MGAT4C: variants seen among roughly 807,000 people sequenced by gnomAD.
The protein encoded by MGAT4C is MGAT4 family member C.
MGAT4C carries 19 observed loss-of-function variants against 40.1 expected under a neutral mutation model. That is an observed-to-expected ratio of 0.47 (90% CI 0.33 to 0.70). MGAT4C has a LOEUF of 0.70. Ranked by LOEUF, MGAT4C falls within the 30% of genes least tolerant of loss-of-function variation. The pLI is 0.02. For synonymous variants in MGAT4C, 181 were observed against 187.1 expected, an observed-to-expected ratio of 0.97 and a Z score of 0.27; for missense variants, 491 against 563.2, an observed-to-expected ratio of 0.87 and a Z score of 1.30.
chr12:86,280,522 A>G (rs925255569), intron 4 of MGAT4C, among the ~76,000 whole-genome samples: 1 of 152,064 alleles, frequency 6.6e-6, no homozygotes, highest in Non-Finnish European at 1.5e-5. Flanking sequence ...TAAAGCTTCA[A>G]TAACAGATTA....
intron 1 of MGAT4C, among the ~76,000 whole-genome samples, chr12:86,099,941 A>T (rs921106799): frequency 1.3e-5 from 2 of 151,440 alleles, no homozygotes; most frequent in African/African-American, 4.8e-5. Context: ...ATGAATTATC[A>T]TTTACCATTT....
intron 1 of MGAT4C, among the ~76,000 whole-genome samples, chr12:86,774,331 C>CTTTCTTTCT (rs1555227805): frequency 4.7e-5 from 5 of 106,732 alleles, no homozygotes; most frequent in African/African-American, 1.7e-4. Flanking sequence ...TTCTTTCTTT[C>CTTTCTTTCT]TTTCTTTCTG....
chr12:86,379,711 T>C (rs1955894001), intron 3 of MGAT4C, among the ~76,000 whole-genome samples: 1 of 152,128 alleles, frequency 6.6e-6, no homozygotes, highest in Non-Finnish European at 1.5e-5. Flanking sequence ...TAGATAACAA[T>C]TAATTAAAAT....
intron 3 of MGAT4C, among the ~76,000 whole-genome samples, chr12:86,407,114 G>A (rs1181675594): frequency 6.6e-6 from 1 of 152,110 alleles, no homozygotes; most frequent in Non-Finnish European, 1.5e-5. Context: ...TTATTGGCAT[G>A]ATATAAAAGA....
rs1402831289 is a variant in MGAT4C at position 86,586,298 on chromosome 12, G to A, written c.-229+140911C>T. Among the ~76,000 whole-genome samples, 6 of 99,628 alleles carry A rather than the reference G, an allele frequency of 6.0e-5. 1 individual carries two copies. The highest frequency in any genetic ancestry group is 1.3e-4 in the Non-Finnish European group (6 of 46,830). The allele number at this position is 99,628 out of a possible 152,430, so 65.4% of individuals were successfully genotyped here. On this transcript the variant is annotated intron_variant, in intron 2 of 7. Coordinates refer to the MGAT4C transcript ENST00000548651. ...CATGAACTCATCATTTTTTATGGCT[G>A]CATAGTATTCCATGGTGTATATGTG...
chr12:86,003,218 C>T (rs1054771301), intron 2 of MGAT4C, among the ~76,000 whole-genome samples: 3 of 152,234 alleles, frequency 2.0e-5, no homozygotes, highest in South Asian at 2.1e-4. Context: ...ATGAAATGGA[C>T]GTATATTTGG....
At chr12:86,758,869 C>T (rs1951351868) in intron 1 of MGAT4C, among the ~76,000 whole-genome samples, 1 of 151,900 alleles carries the variant, frequency 6.6e-6, no homozygotes, top group Non-Finnish European at 1.5e-5. Flanking sequence ...TCAACTTGAA[C>T]GTTTGTCATT....
intron 2 of MGAT4C, among the ~76,000 whole-genome samples, chr12:86,495,519 G>A (rs1399255181): frequency 1.3e-5 from 2 of 151,980 alleles, no homozygotes; most frequent in Non-Finnish European, 2.9e-5. Context: ...TTTGAAGACT[G>A]GCTGGTGTTC....
At chr12:86,603,548 G>GACTAT (rs1961896896) in intron 2 of MGAT4C, among the ~76,000 whole-genome samples, 19 of 3,766 alleles carry the variant, frequency 5.0e-3, no homozygotes, top group Non-Finnish European at 0.02. Flanking sequence ...ATAGACTATA[G>GACTAT]ATAATATATA....
chr12:86,695,344 A>G (rs145149832), intron 2 of MGAT4C, among the ~76,000 whole-genome samples: 2 of 152,314 alleles, frequency 1.3e-5, no homozygotes, highest in African/African-American at 4.8e-5. Context: ...TACAACAACT[A>G]TAGAGAACAG....
intron 2 of MGAT4C, among the ~76,000 whole-genome samples, chr12:86,012,860 G>A (rs961727696): frequency 2.0e-5 from 3 of 150,828 alleles, no homozygotes; most frequent in African/African-American, 7.3e-5. Flanking sequence ...GCAGTGGCTC[G>A]TGCTGATAAT....
intron 1 of MGAT4C, among the ~76,000 whole-genome samples, chr12:86,814,006 G>C (rs1952532335): frequency 6.6e-6 from 1 of 151,728 alleles, no homozygotes; most frequent in African/African-American, 2.4e-5. Flanking sequence ...CGCCACCCAG[G>C]TTCAAGCAAT....
intron 3 of MGAT4C, among the ~76,000 whole-genome samples, chr12:85,985,186 T>G (rs1885072309): frequency 6.6e-6 from 1 of 152,166 alleles, no homozygotes; most frequent in Non-Finnish European, 1.5e-5. Context: ...CTGCTATTAT[T>G]TTGCTGTGGT....
chr12:86,713,564 G>T (rs1216976780), intron 2 of MGAT4C, among the ~76,000 whole-genome samples: 1 of 152,038 alleles, frequency 6.6e-6, no homozygotes, highest in Non-Finnish European at 1.5e-5. Flanking sequence ...TATGCTACAA[G>T]AAAGGATAGT....
chr12:86,136,105 C>T lies in MGAT4C; in HGVS notation c.-56-86382G>A, dbSNP rs918571962. Among the ~76,000 whole-genome samples the T allele has an allele frequency of 5.3e-5, 8 of 152,260 alleles. 1 individual carries two copies. Among genetic ancestry groups the T allele is most frequent in the African/African-American group, 1.7e-4 (7 of 41,562 alleles). ...CATAAAGGGAATTTGATTTTGCAAA[C>T]ATTATTGTTTAAAACATCAATAAAT... On this transcript the variant is annotated intron_variant, in intron 1 of 4. Coordinates refer to ENST00000611864, the MANE Select transcript of MGAT4C (RefSeq NM_001351288.2).
At chr12:86,071,626 T>A (rs1201831437) in intron 1 of MGAT4C, among the ~76,000 whole-genome samples, 1 of 152,094 alleles carries the variant, frequency 6.6e-6, no homozygotes, top group Non-Finnish European at 1.5e-5. Flanking sequence ...TCTTTTAACA[T>A]CAGGTAATAT....
chr12:86,131,006 C>G (rs761395044), intron 1 of MGAT4C, among the ~76,000 whole-genome samples: 31 of 151,926 alleles, frequency 2.0e-4, no homozygotes, highest in South Asian at 6.2e-4. Flanking sequence ...TATATAATAA[C>G]TAATTCATAC....
intron 2 of MGAT4C, among the ~76,000 whole-genome samples, chr12:86,588,230 A>T (rs1263900805): frequency 6.6e-6 from 1 of 152,018 alleles, no homozygotes; most frequent in Non-Finnish European, 1.5e-5. Flanking sequence ...AATGGAAAAC[A>T]AAAAAAGGCA....
chr12:86,088,234 A>G (rs924264136), intron 1 of MGAT4C, among the ~76,000 whole-genome samples: 3 of 152,130 alleles, frequency 2.0e-5, no homozygotes, highest in Admixed American at 1.3e-4. Context: ...AAGATGAATT[A>G]AAGACTTAAA....
Sources: gnomAD v4.1 joint callset for allele counts (sites outside exome capture counted in the v4.1 genomes callset) on GRCh38, gnomAD v4.1.1 for gene constraint, MANE v1.5 for transcripts, NCBI Gene and HGNC (gene_info 2026-07-23, HGNC 2026-07-21) for gene names.